Variants in SMYD3 observed in about 807,000 individuals in gnomAD.
SMYD3 encodes histone-lysine N-methyltransferase SMYD3.
A neutral mutation model predicts 57.7 loss-of-function variants in SMYD3; 36 were observed. The observed-to-expected ratio is 0.62, with a 90% CI of 0.48 to 0.82. The LOEUF is 0.82. Among genes scored for constraint, SMYD3 ranks in the 40% least tolerant of loss-of-function variants. The pLI, the probability that SMYD3 is intolerant of heterozygous loss-of-function variation, is 0.00. For missense variants in SMYD3, 515 were observed against 538.8 expected, an observed-to-expected ratio of 0.96 and a Z score of 0.44; for synonymous variants, 211 against 195.0, an observed-to-expected ratio of 1.08 and a Z score of -0.68.
At chr1:245,938,441 G>A (rs1011567079) in intron 5 of SMYD3, among the ~76,000 whole-genome samples, 1 of 152,206 alleles carries the variant, frequency 6.6e-6, no homozygotes, top group Non-Finnish European at 1.5e-5. Context: ...TCAGACGAGA[G>A]AGAGTCACAA....
At chr1:246,009,228 C>T (rs1383650075) in intron 5 of SMYD3, among the ~76,000 whole-genome samples, 1 of 152,066 alleles carries the variant, frequency 6.6e-6, no homozygotes, top group Admixed American at 6.5e-5. Context: ...ACTGTAGGAG[C>T]GAAGTCAGCA....
rs78065703 is a variant in SMYD3 at position 246,064,000 on chromosome 1, C to T, written c.532-134063G>A. ...AGGTTAACTCTTTTCTGCACAGCGA[C>T]TAGGCCAGAAACCAAGAAATAATCC... On this transcript the variant is annotated intron_variant, in intron 5 of 11. Transcript: ENST00000490107. 2.0e-5 allele frequency among the ~76,000 whole-genome samples: 3 copies of T among 152,296 alleles called. No individual in the cohort carries two copies. In the East Asian group the frequency reaches 5.8e-4, roughly 30 times the overall value.
chr1:245,915,529 C>A lies in SMYD3; in HGVS notation c.813+1G>T. The A allele has an allele frequency of 6.2e-7, 1 of 1,606,376 alleles. No individual in the cohort carries two copies. The highest frequency in any genetic ancestry group is 8.5e-7 in the Non-Finnish European group (1 of 1,173,178). ...TTTCAATCTGGTTCCATACTACATA[C>A]CTTGTCCTGGGTTTGGCAACGGAAA... On this transcript the variant is annotated splice_donor_variant, in intron 8 of 11. Transcript: ENST00000490107. LOFTEE classifies it high-confidence loss of function.
chr1:246,019,887 A>G (rs1036730015), intron 5 of SMYD3, among the ~76,000 whole-genome samples: 1 of 152,236 alleles, frequency 6.6e-6, no homozygotes, highest in Non-Finnish European at 1.5e-5. Context: ...AAGAAAATAC[A>G]TATATAGCAG....
chr1:246,198,066 A>G (rs1327913051), intron 5 of SMYD3, among the ~76,000 whole-genome samples: 1 of 152,196 alleles, frequency 6.6e-6, no homozygotes, highest in Non-Finnish European at 1.5e-5. Flanking sequence ...TGTACACAGT[A>G]TATAGCTAAC....
rs1426452278 is a variant in SMYD3, at chr1:246,202,608, GCA to G, written c.531+124591_531+124592del. 6.6e-6 allele frequency among the ~76,000 whole-genome samples: 1 copy of G among 152,130 alleles called. No individual in the cohort carries two copies. Among genetic ancestry groups the G allele is most frequent in the African/African-American group, 2.4e-5 (1 of 41,422 alleles). On this transcript the variant is annotated intron_variant, in intron 5 of 11. Transcript: ENST00000490107. This position sits in a 1 kb window ranked among gnomAD's most constrained non-coding sequence, Gnocchi z 4.1. ...TCGAAATGTGACGTATTAAATCCACGCACAGTCTCAGAAATGCAATTCCTCCT... is the reference window on the plus strand; with the variant it reads ...TCGAAATGTGACGTATTAAATCCACGCAGTCTCAGAAATGCAATTCCTCCT...
intron 7 of SMYD3, among the ~76,000 whole-genome samples, 175 bp from the exon 8 acceptor site, chr1:245,915,815 T>G (rs535974664): frequency 3.0e-4 from 46 of 152,350 alleles, no homozygotes; most frequent in African/African-American, 1.1e-3. Context: ...ACGTAAATTT[T>G]TAATCTATTT....
intron 5 of SMYD3, among the ~76,000 whole-genome samples, chr1:246,292,867 A>G (rs1315048107): frequency 6.6e-6 from 1 of 152,108 alleles, no homozygotes; most frequent in Admixed American, 6.5e-5. Context: ...AAACATAAGG[A>G]AAGGGTCAAC....
At chr1:245,769,288 T>C (rs1391427249) in intron 10 of SMYD3, among the ~76,000 whole-genome samples, 1 of 152,168 alleles carries the variant, frequency 6.6e-6, no homozygotes, top group Non-Finnish European at 1.5e-5. Context: ...AGACACTAAG[T>C]GCCATCCGAC....
At chr1:246,416,893 T>G (rs1019813663) in intron 1 of SMYD3, among the ~76,000 whole-genome samples, 1 of 152,088 alleles carries the variant, frequency 6.6e-6, no homozygotes, top group Non-Finnish European at 1.5e-5. Flanking sequence ...AATACAATTC[T>G]CTTAAACCTC....
At chr1:246,384,195 G>T (rs2066432834) in intron 1 of SMYD3, among the ~76,000 whole-genome samples, 1 of 152,076 alleles carries the variant, frequency 6.6e-6, no homozygotes, top group African/African-American at 2.4e-5. Flanking sequence ...TTATCCTTCA[G>T]ATATCTTTTT....
chr1:245,792,700 A>G (rs931530608), intron 10 of SMYD3, among the ~76,000 whole-genome samples: 2 of 152,202 alleles, frequency 1.3e-5, no homozygotes, highest in Admixed American at 1.3e-4. Context: ...AAAGTTGTCT[A>G]TCGCTAACAT....
intron 1 of SMYD3, among the ~76,000 whole-genome samples, chr1:246,456,851 T>A (rs765102492): frequency 6.6e-6 from 1 of 152,176 alleles, no homozygotes; most frequent in African/African-American, 2.4e-5. Context: ...ATCAAAGTTA[T>A]GAAGGAGGAC....
intron 5 of SMYD3, among the ~76,000 whole-genome samples, chr1:246,307,565 G>A (rs12090275): frequency 0.15 from 22,877 of 149,658 alleles, 1,467 homozygotes; most frequent in East Asian, 0.38. Context: ...GACTACAGGC[G>A]CCCGCCACCA....
At chr1:245,888,805 A>C (rs1016335800) in intron 8 of SMYD3, among the ~76,000 whole-genome samples, 1 of 152,348 alleles carries the variant, frequency 6.6e-6, no homozygotes, top group African/African-American at 2.4e-5. Context: ...TTAAAGACAG[A>C]GTGAAGAAAT....
At chr1:246,054,887 A>T (rs2060122593) in intron 5 of SMYD3, among the ~76,000 whole-genome samples, 1 of 151,314 alleles carries the variant, frequency 6.6e-6, no homozygotes, top group African/African-American at 2.4e-5. Context: ...AAAAAAAAAA[A>T]AAAAAAGGCC....
intron 1 of SMYD3, among the ~76,000 whole-genome samples, chr1:246,503,954 T>TAAAAA (rs55709330): frequency 2.3e-5 from 3 of 128,396 alleles, no homozygotes; most frequent in Admixed American, 8.0e-5. Context: ...AACTCCATCT[T>TAAAAA]AAAAAAAAAA....
intron 5 of SMYD3, among the ~76,000 whole-genome samples, chr1:246,165,233 A>T (rs557476917): frequency 5.9e-5 from 9 of 152,324 alleles, no homozygotes; most frequent in Non-Finnish European, 1.3e-4. Flanking sequence ...CGGAGGTGAC[A>T]AGAAGTAAGA....
chr1:246,203,642 G>T lies in SMYD3; in HGVS notation c.531+123559C>A, dbSNP rs550059258. Among the ~76,000 whole-genome samples the T allele has an allele frequency of 6.6e-6, 1 of 152,230 alleles. No homozygotes were observed. The highest frequency in any genetic ancestry group is 1.9e-4 in the East Asian group (1 of 5,176). On this transcript the variant is annotated intron_variant, in intron 5 of 11. Coordinates refer to ENST00000490107, the MANE Select transcript of SMYD3 (RefSeq NM_001167740.2). This position sits in a 1 kb window ranked among gnomAD's most constrained non-coding sequence, Gnocchi z 4.6. ...TACTGGACTAGGGTCAACCCTAAAG[G>T]CCTCATGTTAAATCACCTCTTCAAA...
Sources: gnomAD v4.1 joint callset for allele counts (sites outside exome capture counted in the v4.1 genomes callset) on GRCh38, gnomAD v4.1.1 for gene constraint, Gnocchi (gnomAD v3.1) non-coding constraint, MANE v1.5 for transcripts, NCBI Gene and HGNC (gene_info 2026-07-23, HGNC 2026-07-21) for gene names.